RABL6: variants seen among roughly 807,000 people sequenced by gnomAD.
RABL6 encodes RAB, member RAS oncogene family like 6, also known as rab-like protein 6.
Under a neutral mutation model 72.9 loss-of-function variants are expected in RABL6, and 28 were observed. The observed-to-expected ratio is 0.38, with a 90% CI of 0.28 to 0.53. The LOEUF (loss-of-function observed/expected upper bound fraction) is 0.53. RABL6 is among the 20% of genes least tolerant of loss of function. RABL6 has a pLI of 0.80. For synonymous variants in RABL6, 477 were observed against 421.2 expected, an observed-to-expected ratio of 1.13 and a Z score of -1.62; for missense variants, 1,029 against 1,008.4, an observed-to-expected ratio of 1.02 and a Z score of -0.28.
At chr9:136,808,571 C>T (rs917261919) in intron 1 of RABL6, 6 of 237,538 alleles carry the variant, frequency 2.5e-5, no homozygotes, top group Admixed American at 2.3e-4. Flanking sequence ...TGCCGCGTGT[C>T]GCTCCCGCCG....
At chr9:136,832,084 G>A (rs932731991) in intron 6 of RABL6, 181 bp from the exon 7 acceptor site, 5 of 884,054 alleles carry the variant, frequency 5.7e-6, no homozygotes, top group Admixed American at 5.6e-5. Flanking sequence ...CTGGCACTGT[G>A]GGGTCACCTG....
At chr9:136,821,668 C>A in intron 1 of RABL6, 1 of 990,746 alleles carries the variant, frequency 1.0e-6, no homozygotes, top group South Asian at 4.5e-5. Flanking sequence ...CCTCCCGCCG[C>A]GCTGGGGCCT....
Position 136,840,180 on chromosome 9 carries a change from G to GAGAAGA in RABL6, c.1971_1976dup (p.Lys659_Lys660dup). ...TAAGGAGGGCAAAACCCCCTCTAAG[G>GAGAAGA]AGAAGAAGAAGAAGAAGAAAAAAGG... On this transcript the variant is annotated inframe_insertion, in exon 14 of 15. Transcript: ENST00000311502. 6.2e-7 allele frequency: 1 copy of GAGAAGA among 1,612,480 alleles called. No individual in the cohort carries two copies. Among genetic ancestry groups the GAGAAGA allele is most frequent in the African/African-American group, 1.3e-5 (1 of 74,976 alleles).
intron 5 of RABL6, among the ~76,000 whole-genome samples, chr9:136,829,794 T>C (rs1848433738): frequency 1.3e-5 from 2 of 152,244 alleles, no homozygotes; most frequent in Non-Finnish European, 2.9e-5. Context: ...CGGAAGCAAG[T>C]GGCTGCTTGT....
chr9:136,821,972 G>T, intron 1 of RABL6: 1 of 1,289,610 alleles, frequency 7.8e-7, no homozygotes, highest in Admixed American at 2.3e-5. Context: ...ATGACCAGAG[G>T]CGTTGAAAGT....
intron 5 of RABL6, chr9:136,831,024 G>A (rs1005976205): frequency 6.5e-5 from 10 of 154,786 alleles, no homozygotes; most frequent in African/African-American, 2.2e-4. Flanking sequence ...TGAGGGGCCC[G>A]TTTAAATGAC....
In RABL6 at chr9:136,837,947, GGAA is replaced by G; in HGVS notation, c.1215_1217del (p.Glu405del). ...ACGACCGCCTGGACCGCAGCTTCCT[GGAA>G]GACACAACCCCCGCCAGGGACGAGA... On this transcript the variant is annotated inframe_deletion, in exon 10 of 15. Coordinates refer to ENST00000311502, the MANE Select transcript of RABL6 (RefSeq NM_024718.5). 6.4e-7 allele frequency: 1 copy of G among 1,564,688 alleles called. No homozygotes were observed. Among genetic ancestry groups the G allele is most frequent in the East Asian group, 2.4e-5 (1 of 41,910 alleles).
In RABL6 at chr9:136,838,976, C is replaced by G. The variant is rs1848634477; in HGVS notation, c.1348C>G (p.Gln450Glu). The G allele has an allele frequency of 6.2e-7, 1 of 1,611,410 alleles. No individual in the cohort carries two copies. The highest frequency in any genetic ancestry group is 1.3e-5 in the African/African-American group (1 of 74,928). ...GFQDDVDLED[Q>E]PRGSPPLPAG... ...CCAGGACGATGTGGACCTCGAAGACCAGCCACGTGGGAGTCCCCCGCTGCC... is the reference window on the plus strand; with the variant it reads ...CCAGGACGATGTGGACCTCGAAGACGAGCCACGTGGGAGTCCCCCGCTGCC... The change falls in exon 11 of 15, where the codon CAG becomes GAG. Residue 450 changes from glutamine to glutamate, a missense_variant. Physicochemically the swap from Gln to Glu is conservative, Grantham distance 29. This residue lies in a region of RABL6 where 595 missense variants were observed against 472.4 expected (regional missense o/e 1.26). Coordinates refer to ENST00000311502, the MANE Select transcript of RABL6 (RefSeq NM_024718.5).
Position 136,839,329 on chromosome 9 carries a change from G to C in RABL6, c.1601G>C (p.Ser534Thr). The C allele has an allele frequency of 6.2e-7, 1 of 1,612,606 alleles. No homozygotes were observed. Among genetic ancestry groups the C allele is most frequent in the Non-Finnish European group, 8.5e-7 (1 of 1,179,780 alleles). ...VSVRTGPEKR[S>T]STRPPAEMEP... ...GTTCGCACAGGTCCGGAGAAGCGCA[G>C]CAGCACCAGGCCCCCTGCTGAGATG... Residue 534 changes from serine (S) to threonine (T), a missense_variant, in exon 12 of 15, where the codon AGC (serine) becomes ACC (threonine). This residue lies in a region of RABL6 where 595 missense variants were observed against 472.4 expected (regional missense o/e 1.26). Transcript: ENST00000311502.
At chr9:136,831,486 CG>C (rs1848472418) in intron 5 of RABL6, among the ~76,000 whole-genome samples, 1 of 152,096 alleles carries the variant, frequency 6.6e-6, no homozygotes, top group Admixed American at 6.5e-5. Flanking sequence ...GTGTGGGGTG[CG>C]GTCAAGTACC....
intron 1 of RABL6, among the ~76,000 whole-genome samples, chr9:136,810,939 C>A (rs985784742): frequency 1.3e-5 from 2 of 152,210 alleles, no homozygotes; most frequent in Admixed American, 1.3e-4. Context: ...TTTCTGGGAA[C>A]TGCTGCGGGT....
At chr9:136,817,333 A>G (rs1456031613) in intron 1 of RABL6, among the ~76,000 whole-genome samples, 1 of 152,244 alleles carries the variant, frequency 6.6e-6, no homozygotes, top group Non-Finnish European at 1.5e-5. Context: ...GGAAACTCCA[A>G]GAAGTCCAGA....
chr9:136,837,657 C>T lies in RABL6; in HGVS notation c.1121C>T (p.Pro374Leu), dbSNP rs1253010165. Residue 374 changes from proline to leucine, a missense_variant, in exon 9 of 15, where the codon CCT becomes CTT. Pro to Leu is a moderately conservative substitution (Grantham distance 98). Transcript: ENST00000311502. Reference protein sequence around the residue: ...TSPATEAAPPPPEPVPAAEGP... With the variant: ...TSPATEAAPPLPEPVPAAEGP... ...CCTGCCACCGAGGCAGCCCCTCCACCTCCAGGTAGGCCCTGGAGCTGCCCC... is the reference window on the plus strand; with the variant it reads ...CCTGCCACCGAGGCAGCCCCTCCACTTCCAGGTAGGCCCTGGAGCTGCCCC... 5.7e-6 allele frequency: 9 copies of T among 1,585,852 alleles called. No individual in the cohort carries two copies. The highest frequency in any genetic ancestry group is 1.2e-5 in the South Asian group (1 of 86,856).
At position 136,838,019 on chromosome 9, in the gene RABL6, AG is replaced by A; in HGVS notation, c.1280+8del. 1 of 1,556,474 alleles carries A rather than the reference AG, an allele frequency of 6.4e-7. No homozygotes were observed. The highest frequency in any genetic ancestry group is 8.7e-7 in the Non-Finnish European group (1 of 1,150,612). ...CTGCCCAGCAGGACAGCGACAGGTG[AG>A]GGGTGGGCCTGGGCCTCCTCTCCCA... On this transcript the variant is annotated splice_donor_5th_base_variant and intron_variant, in intron 10 of 14. Coordinates refer to ENST00000311502, the MANE Select transcript of RABL6 (RefSeq NM_024718.5).
chr9:136,837,981 G>A lies in RABL6; in HGVS notation c.1246G>A (p.Val416Met). 1.3e-6 allele frequency: 2 copies of A among 1,569,730 alleles called. No individual in the cohort carries two copies. Among genetic ancestry groups the A allele is most frequent in the Middle Eastern group, 1.7e-4 (1 of 5,972 alleles). Residue 416 changes from valine (V) to methionine (M), a missense_variant, in exon 10 of 15, where the codon GTG (valine) becomes ATG (methionine). This residue lies in a region of RABL6 where 595 missense variants were observed against 472.4 expected (regional missense o/e 1.26). Coordinates refer to ENST00000311502, the MANE Select transcript of RABL6 (RefSeq NM_024718.5). ...AACCCCCGCCAGGGACGAGAAGAAG[G>A]TGGGGGCCAAGGCTGCCCAGCAGGA... is the stretch of plus-strand genomic sequence containing the variant. Reference protein sequence around the residue: ...DTTPARDEKKVGAKAAQQDSD... With the variant: ...DTTPARDEKKMGAKAAQQDSD...
chr9:136,834,487 A>G (rs1848547337), intron 7 of RABL6: 1 of 975,492 alleles, frequency 1.0e-6, no homozygotes, highest in Non-Finnish European at 1.2e-6. Context: ...ACTTTAATAC[A>G]CTCTTTTTTT....
chr9:136,840,144 G>A lies in RABL6; in HGVS notation c.1931-10G>A. The A allele has an allele frequency of 6.2e-7, 1 of 1,612,968 alleles. No homozygotes were observed. The highest frequency in any genetic ancestry group is 8.5e-7 in the Non-Finnish European group (1 of 1,179,818). On this transcript the variant is annotated splice_polypyrimidine_tract_variant and intron_variant, in intron 13 of 14. Coordinates refer to ENST00000311502, the MANE Select transcript of RABL6 (RefSeq NM_024718.5). Reference sequence around the variant, plus strand: ...CTGAGTTTGAGCCACTGTCTGTCCTGTCTGTGCAGGTAAGGAGGGCAAAAC... The same window carrying A: ...CTGAGTTTGAGCCACTGTCTGTCCTATCTGTGCAGGTAAGGAGGGCAAAAC...
intron 1 of RABL6, 173 bp downstream of exon 1, chr9:136,808,499 C>A: frequency 1.6e-6 from 1 of 632,806 alleles, no homozygotes. Context: ...CGAGGAGAGG[C>A]CAGGCCAGGG....
chr9:136,832,094 G>A, intron 6 of RABL6, 171 bp from the exon 7 acceptor site: 4 of 867,254 alleles, frequency 4.6e-6, no homozygotes, highest in Non-Finnish European at 7.0e-6. Flanking sequence ...GGGGTCACCT[G>A]CAGAAGGGCA....
Sources: allele counts gnomAD v4.1 joint callset (sites outside exome capture counted in the v4.1 genomes callset), GRCh38; gene constraint gnomAD v4.1.1; regional missense constraint gnomAD v4.1.1; transcripts MANE v1.5; gene names NCBI Gene and HGNC (gene_info 2026-07-23, HGNC 2026-07-21).